Variants in ROBO2 observed in about 807,000 individuals in gnomAD.
ROBO2 encodes the protein roundabout guidance receptor 2.
A neutral mutation model predicts 160.8 loss-of-function variants in ROBO2; 53 were observed. That is an observed-to-expected ratio of 0.33 (90% CI 0.26 to 0.41). ROBO2 has a LOEUF of 0.41. Among genes scored for constraint, ROBO2 ranks in the 10% least tolerant of loss-of-function variants. The probability of loss-of-function intolerance (pLI) is 1.00; values close to 1 mark genes in which losing one functional copy is unlikely to be tolerated. For synonymous variants in ROBO2, 664 were observed against 611.7 expected, an observed-to-expected ratio of 1.09 and a Z score of -1.26; for missense variants, 1,577 against 1,722.4, an observed-to-expected ratio of 0.92 and a Z score of 1.49.
intron 2 of ROBO2, among the ~76,000 whole-genome samples, chr3:76,405,062 G>A (rs184336813): frequency 6.6e-6 from 1 of 151,554 alleles, no homozygotes; most frequent in Non-Finnish European, 1.5e-5. Flanking sequence ...CATGTGTGGA[G>A]GGAAATATGA....
intron 2 of ROBO2, among the ~76,000 whole-genome samples, chr3:77,137,606 A>G (rs1455012580): frequency 2.6e-5 from 4 of 152,226 alleles, no homozygotes; most frequent in Non-Finnish European, 5.9e-5. Context: ...AACAAACAAA[A>G]TGATGATAAA....
intron 1 of ROBO2, among the ~76,000 whole-genome samples, chr3:77,084,115 A>T (rs2068995308): frequency 6.6e-6 from 1 of 151,970 alleles, no homozygotes; most frequent in Admixed American, 6.6e-5. Flanking sequence ...TTTACATAAA[A>T]CTCAAATATT....
intron 2 of ROBO2, among the ~76,000 whole-genome samples, chr3:77,314,524 A>G (rs996629031): frequency 6.6e-6 from 1 of 152,214 alleles, no homozygotes; most frequent in Admixed American, 6.5e-5. Context: ...CAACAGGATT[A>G]AAATTTATGC....
intron 2 of ROBO2, among the ~76,000 whole-genome samples, chr3:76,637,592 C>A (rs972299079): frequency 6.6e-6 from 1 of 152,016 alleles, no homozygotes; most frequent in African/African-American, 2.4e-5. Flanking sequence ...TTCCCACATG[C>A]AAGATTTTTA....
At chr3:76,133,425 A>G (rs1030899883) in intron 2 of ROBO2, among the ~76,000 whole-genome samples, 1 of 151,396 alleles carries the variant, frequency 6.6e-6, no homozygotes. Flanking sequence ...GTATTAGTCT[A>G]CTAGTCTCTA....
At chr3:77,602,620 G>A in intron 20 of ROBO2, 129 bp downstream of exon 21, 1 of 1,129,054 alleles carries the variant, frequency 8.9e-7, no homozygotes, top group South Asian at 1.3e-5. Context: ...AAAGATACCA[G>A]CATGTTTCCA....
At chr3:76,393,654 T>TA in intron 2 of ROBO2, among the ~76,000 whole-genome samples, 1 of 152,256 alleles carries the variant, frequency 6.6e-6, no homozygotes, top group South Asian at 2.1e-4. Flanking sequence ...TTGAACTTGA[T>TA]AAGAGAAATG....
intron 2 of ROBO2, among the ~76,000 whole-genome samples, chr3:76,419,167 G>A (rs1475742419): frequency 2.0e-5 from 3 of 152,116 alleles, no homozygotes; most frequent in Admixed American, 6.6e-5. Flanking sequence ...GGAAAAATAC[G>A]TGTCAAAAAT....
chr3:76,791,689 A>G (rs1391491992), intron 2 of ROBO2, among the ~76,000 whole-genome samples: 2 of 151,764 alleles, frequency 1.3e-5, no homozygotes. Flanking sequence ...AGCTGCTCCC[A>G]AATTCTGGAT....
chr3:76,751,119 C>T (rs555001625), intron 2 of ROBO2, among the ~76,000 whole-genome samples: 25 of 152,162 alleles, frequency 1.6e-4, no homozygotes, highest in African/African-American at 4.6e-4. Flanking sequence ...TGGAACAGAA[C>T]AGAGCCCTCA....
intron 2 of ROBO2, among the ~76,000 whole-genome samples, chr3:77,393,444 T>C (rs1283415597): frequency 6.6e-6 from 1 of 151,928 alleles, no homozygotes; most frequent in Non-Finnish European, 1.5e-5. Context: ...TGCTAAAATG[T>C]TGTTTTTCAA....
intron 2 of ROBO2, among the ~76,000 whole-genome samples, chr3:77,403,420 T>G (rs1429404841): frequency 1.3e-5 from 2 of 152,166 alleles, no homozygotes; most frequent in African/African-American, 4.8e-5. Flanking sequence ...CATCTATGAC[T>G]TCCACTGTTT....
At chr3:76,889,340 T>A (rs1016077274) in intron 2 of ROBO2, among the ~76,000 whole-genome samples, 5 of 152,180 alleles carry the variant, frequency 3.3e-5, no homozygotes, top group African/African-American at 1.2e-4. Context: ...TGTTAAGGTA[T>A]CAAATCTTAT....
At chr3:76,646,991 A>T (rs1310482512) in intron 2 of ROBO2, among the ~76,000 whole-genome samples, 2 of 152,126 alleles carry the variant, frequency 1.3e-5, no homozygotes, top group Non-Finnish European at 2.9e-5. Context: ...GAAGCCTGGA[A>T]ATGTTAGAAC....
rs1702511637 is a variant in ROBO2, at chr3:76,201,237, T to C, written c.109+263635T>C. Among the ~76,000 whole-genome samples the C allele has an allele frequency of 3.3e-5, 5 of 152,178 alleles. No homozygotes were observed. The South Asian group carries it at 1.0e-3, about 32-fold the overall frequency. The stretch of plus-strand genomic sequence containing the variant: ...AAATCCATGCAGTGAGTTAGAAGTT[T>C]CCTCTGAAAATCCAATTTTTATACT... On this transcript the variant is annotated intron_variant, in intron 2 of 26. Transcript: ENST00000487694.
At chr3:77,337,194 A>G (rs1306482075) in intron 2 of ROBO2, among the ~76,000 whole-genome samples, 2 of 152,192 alleles carry the variant, frequency 1.3e-5, no homozygotes, top group Non-Finnish European at 2.9e-5. Flanking sequence ...GCACTGTCAC[A>G]GAGATACATT....
chr3:77,270,921 C>T (rs974543337), intron 2 of ROBO2, among the ~76,000 whole-genome samples: 15 of 144,754 alleles, frequency 1.0e-4, no homozygotes, highest in African/African-American at 1.6e-4. Flanking sequence ...TCAGCCTGGG[C>T]GACAGAGCAA....
chr3:76,470,386 G>A (rs1442978722), intron 2 of ROBO2, among the ~76,000 whole-genome samples: 1 of 152,092 alleles, frequency 6.6e-6, no homozygotes, highest in Non-Finnish European at 1.5e-5. Context: ...GTCCTTTACA[G>A]GGTTGCAGTT....
At chr3:75,916,568 A>G (rs1946815672) in intron 1 of ROBO2, among the ~76,000 whole-genome samples, 1 of 152,170 alleles carries the variant, frequency 6.6e-6, no homozygotes, top group African/African-American at 2.4e-5. Flanking sequence ...AAGTGTACAC[A>G]TATATTTATA....
Sources: gnomAD v4.1 joint callset for allele counts (sites outside exome capture counted in the v4.1 genomes callset) on GRCh38, gnomAD v4.1.1 for gene constraint, MANE v1.5 for transcripts, NCBI Gene and HGNC (gene_info 2026-07-23, HGNC 2026-07-21) for gene names.